OR10J1: variants seen among roughly 807,000 people sequenced by gnomAD.
OR10J1 encodes olfactory receptor family 10 subfamily J member 1, also known as olfactory receptor 10J1.
For synonymous variants in OR10J1, 202 were observed against 143.8 expected, an observed-to-expected ratio of 1.40 and a Z score of -2.89; for missense variants, 474 against 376.6, an observed-to-expected ratio of 1.26 and a Z score of -2.14.
chr1:159,437,118 G>T (rs1376243799), upstream of OR10J1, among the ~76,000 whole-genome samples: 2 of 152,216 alleles, frequency 1.3e-5, no homozygotes, highest in African/African-American at 2.4e-5. Context: ...TGAGAAGTAA[G>T]TTTAGAGTTG....
At chr1:159,438,328 A>T (rs563769687), upstream of OR10J1, among the ~76,000 whole-genome samples, 1 of 152,360 alleles carries the variant, frequency 6.6e-6, no homozygotes, top group South Asian at 2.1e-4. Flanking sequence ...TATTTGGAAG[A>T]AGGGAATTCT....
At chr1:159,432,539 A>G in the OR10J1 span, 1 of 468,958 alleles carries the variant, frequency 2.1e-6, no homozygotes, top group Non-Finnish European at 3.9e-6. Context: ...GTGTCAATAA[A>G]TGCTTCCTGC....
At chr1:159,418,893 G>A in the OR10J1 span, among the ~76,000 whole-genome samples, 1 of 152,240 alleles carries the variant, frequency 6.6e-6, no homozygotes, top group Non-Finnish European at 1.5e-5. Context: ...TGACCTGGAT[G>A]TGAGACATTG....
At chr1:159,423,569 T>C in the OR10J1 span, among the ~76,000 whole-genome samples, 2 of 152,170 alleles carry the variant, frequency 1.3e-5, no homozygotes, top group Non-Finnish European at 2.9e-5. Context: ...TCAAGTAAAA[T>C]ACTGCAGATT....
At chr1:159,413,774 G>A in the OR10J1 span, among the ~76,000 whole-genome samples, 2 of 151,162 alleles carry the variant, frequency 1.3e-5, no homozygotes, top group Admixed American at 6.6e-5. Context: ...CACCAGCATG[G>A]CACATGTACA....
At chr1:159,411,432 G>T in the OR10J1 span, among the ~76,000 whole-genome samples, 1 of 152,164 alleles carries the variant, frequency 6.6e-6, no homozygotes. Context: ...TTGTTGAATT[G>T]ATCCCTTTAC....
At chr1:159,422,488 C>T in the OR10J1 span, among the ~76,000 whole-genome samples, 7 of 152,268 alleles carry the variant, frequency 4.6e-5, no homozygotes, top group East Asian at 3.9e-4. Context: ...GCCATCCCTC[C>T]GCAGGTGAGA....
the OR10J1 span, among the ~76,000 whole-genome samples, chr1:159,424,553 T>C: frequency 6.6e-6 from 1 of 151,330 alleles, no homozygotes; most frequent in Non-Finnish European, 1.5e-5. Context: ...TTTAATATCC[T>C]CAATGAGATG....
rs1403857307 is a variant in OR10J1, at chr1:159,440,859, T to C, written c.*138T>C. ...AAGAGGAATAGCAGTTTCATACAACTGGGAGTCTGAAGCTTTAAATAAAGT... is the reference window on the plus strand; with the variant it reads ...AAGAGGAATAGCAGTTTCATACAACCGGGAGTCTGAAGCTTTAAATAAAGT... On this transcript the variant is annotated 3_prime_UTR_variant, in exon 1 of 1. Coordinates refer to ENST00000423932, the MANE Select transcript of OR10J1 (RefSeq NM_012351.3). The C allele has an allele frequency of 3.4e-6, 3 of 876,906 alleles. No homozygotes were observed. In the African/African-American group the frequency reaches 5.0e-5, roughly 15 times the overall value. The allele number at this position is 876,906 out of a possible 1,614,324, so 54.3% of individuals were successfully genotyped here.
chr1:159,410,273 G>A, the OR10J1 span, among the ~76,000 whole-genome samples: 3 of 152,154 alleles, frequency 2.0e-5, no homozygotes, highest in Non-Finnish European at 2.9e-5. Context: ...AGAAGGAATG[G>A]TACCAGTTCC....
the OR10J1 span, among the ~76,000 whole-genome samples, chr1:159,404,615 G>A: frequency 6.6e-6 from 1 of 152,116 alleles, no homozygotes; most frequent in Non-Finnish European, 1.5e-5. Flanking sequence ...ACGCTTCATA[G>A]AACAGTGACA....
chr1:159,415,088 T>C, the OR10J1 span, among the ~76,000 whole-genome samples: 1 of 152,088 alleles, frequency 6.6e-6, no homozygotes. Context: ...GAGTTCAATT[T>C]ATCTGTTTGT....
At chr1:159,406,553 A>G in the OR10J1 span, 18,797 of 175,896 alleles carry the variant, frequency 0.11, 1,286 homozygotes, top group East Asian at 0.22. Flanking sequence ...GGAATAAACT[A>G]AGAGACATCT....
the OR10J1 span, among the ~76,000 whole-genome samples, chr1:159,413,731 C>T: frequency 6.6e-6 from 1 of 150,868 alleles, no homozygotes; most frequent in Non-Finnish European, 1.5e-5. Flanking sequence ...GGAGATATAC[C>T]TAATGCTAAA....
chr1:159,405,171 T>C, the OR10J1 span, among the ~76,000 whole-genome samples: 1 of 152,074 alleles, frequency 6.6e-6, no homozygotes, highest in African/African-American at 2.4e-5. Context: ...AGGGGGAAAT[T>C]GTATAAGGAA....
In OR10J1 at chr1:159,440,084, C is replaced by CCA; in HGVS notation, c.298_299dup (p.Gln100HisfsTer7). Reference sequence around the variant, plus strand: ...CAGCCCATATCATTGGCAGGGTGTGCCACACAGATGTTCTTTTTTGTAACC... The same window carrying CCA: ...CAGCCCATATCATTGGCAGGGTGTGCCACACACAGATGTTCTTTTTTGTAACC... On this transcript the variant is annotated frameshift_variant, in exon 1 of 1. Transcript: ENST00000423932. LOFTEE classifies it low-confidence loss of function (END_TRUNC). The CCA allele has an allele frequency of 6.2e-7, 1 of 1,614,078 alleles. No individual in the cohort carries two copies. Among genetic ancestry groups the CCA allele is most frequent in the South Asian group, 1.1e-5 (1 of 91,072 alleles).
the OR10J1 span, among the ~76,000 whole-genome samples, chr1:159,423,303 A>G: frequency 2.0e-5 from 3 of 152,154 alleles, no homozygotes; most frequent in African/African-American, 7.2e-5. Flanking sequence ...TTTGGTTTAC[A>G]TGCTTGAATT....
the OR10J1 span, among the ~76,000 whole-genome samples, chr1:159,416,944 A>C: frequency 6.6e-6 from 1 of 151,384 alleles, no homozygotes; most frequent in Admixed American, 6.6e-5. Context: ...TTCATTTCTG[A>C]TTTTATTTAT....
At chr1:159,412,959 A>T in the OR10J1 span, among the ~76,000 whole-genome samples, 1 of 152,136 alleles carries the variant, frequency 6.6e-6, no homozygotes, top group African/African-American at 2.4e-5. Context: ...GCTAATATCC[A>T]GAATCGACAA....
Sources: gnomAD v4.1 joint callset for allele counts (sites outside exome capture counted in the v4.1 genomes callset) on GRCh38, gnomAD v4.1.1 for gene constraint, MANE v1.5 for transcripts, NCBI Gene and HGNC (gene_info 2026-07-23, HGNC 2026-07-21) for gene names.